Variants in OSBP2 observed in about 807,000 individuals in gnomAD.
OSBP2 encodes oxysterol-binding protein 2.
Under a neutral mutation model 96.0 loss-of-function variants are expected in OSBP2, and 66 were observed. The observed-to-expected ratio is 0.69, with a 90% CI of 0.56 to 0.84. The LOEUF (loss-of-function observed/expected upper bound fraction) is 0.84. Ranked by LOEUF, OSBP2 falls within the 40% of genes least tolerant of loss-of-function variation. OSBP2 has a pLI of 0.00. For missense variants in OSBP2, 1,038 were observed against 1,222.7 expected, an observed-to-expected ratio of 0.85 and a Z score of 2.25; for synonymous variants, 525 against 520.9, an observed-to-expected ratio of 1.01 and a Z score of -0.11.
intron 1 of OSBP2, among the ~76,000 whole-genome samples, chr22:30,707,559 A>C (rs1242315580): frequency 1.3e-5 from 2 of 151,356 alleles, no homozygotes; most frequent in Non-Finnish European, 2.9e-5. Context: ...CTAAAAATAC[A>C]CAAAAAAAAT....
chr22:30,901,625 GAGGCCA>G (rs1412619592), intron 12 of OSBP2, among the ~76,000 whole-genome samples: 1 of 151,888 alleles, frequency 6.6e-6, no homozygotes, highest in Non-Finnish European at 1.5e-5. Flanking sequence ...AGCACTTTGG[GAGGCCA>G]AGGCCGGTGG....
chr22:30,793,179 C>G (rs1332681747), intron 2 of OSBP2, among the ~76,000 whole-genome samples: 1 of 151,170 alleles, frequency 6.6e-6, no homozygotes, highest in Non-Finnish European at 1.5e-5. Flanking sequence ...CACTTGAGGT[C>G]AGGAGTTCAA....
Position 30,890,638 on chromosome 22 carries a change from A to G in OSBP2, c.1624-90A>G. On this transcript the variant is annotated intron_variant, in intron 7 of 13. Coordinates refer to ENST00000332585, the MANE Select transcript of OSBP2 (RefSeq NM_030758.4). The surrounding 1 kb of genome is among the most constrained non-coding windows in gnomAD (Gnocchi z 4.4). Reference sequence around the variant, plus strand: ...CTCACTGTGAAGGTGCTGTCTGAGCAGGGATGTCCCTGAACATCCGAGAAA... The same window carrying G: ...CTCACTGTGAAGGTGCTGTCTGAGCGGGGATGTCCCTGAACATCCGAGAAA... The G allele has an allele frequency of 7.1e-7, 1 of 1,410,846 alleles. No homozygotes were observed. Among genetic ancestry groups the G allele is most frequent in the Non-Finnish European group, 9.8e-7 (1 of 1,019,296 alleles). 87.4% of individuals were successfully genotyped at this position (1,410,846 alleles called of 1,614,324 possible). A position where few individuals can be genotyped will look rare whatever the true frequency, so the allele number is the denominator to read the frequency against.
intron 2 of OSBP2, among the ~76,000 whole-genome samples, chr22:30,852,425 G>A (rs2038994424): frequency 6.6e-6 from 1 of 151,960 alleles, no homozygotes; most frequent in Non-Finnish European, 1.5e-5. Flanking sequence ...GAATTTATTG[G>A]TGTAACTTTT....
At chr22:30,894,032 G>T in intron 12 of OSBP2, 31 bp downstream of exon 12, 1 of 1,565,830 alleles carries the variant, frequency 6.4e-7, no homozygotes, top group Non-Finnish European at 8.6e-7. Context: ...CCCCGCCACA[G>T]GCAAAGGAGA....
At chr22:30,858,437 C>T (rs888403501) in intron 2 of OSBP2, among the ~76,000 whole-genome samples, 16 of 151,794 alleles carry the variant, frequency 1.1e-4, no homozygotes, top group African/African-American at 1.5e-4. Context: ...TGAGCCACCG[C>T]GCCCGGCCTC....
At chr22:30,730,806 A>T (rs943661242) in intron 1 of OSBP2, among the ~76,000 whole-genome samples, 5,405 of 41,328 alleles carry the variant, frequency 0.13, 696 homozygotes, top group East Asian at 0.31. Flanking sequence ...ATATATATAT[A>T]TAATTTTTTT....
intron 2 of OSBP2, among the ~76,000 whole-genome samples, chr22:30,822,183 C>T (rs1017873888): frequency 6.6e-5 from 10 of 152,276 alleles, no homozygotes; most frequent in African/African-American, 2.4e-5. Flanking sequence ...TGGCCATCCC[C>T]ATTTCCCGCG....
intron 1 of OSBP2, 80 bp downstream of exon 1, chr22:30,695,633 G>T (rs925757487): frequency 2.0e-6 from 3 of 1,533,220 alleles, no homozygotes; most frequent in African/African-American, 2.7e-5. Flanking sequence ...CTCCATGGTT[G>T]GCGGACACTG....
chr22:30,761,957 A>G (rs2090208656), intron 2 of OSBP2, among the ~76,000 whole-genome samples: 2 of 152,220 alleles, frequency 1.3e-5, no homozygotes, highest in Non-Finnish European at 2.9e-5. Context: ...AAACCATACA[A>G]CTATAATACT....
chr22:30,827,903 G>T lies in OSBP2; in HGVS notation c.854-42526G>T, dbSNP rs150514802. 1.7e-3 allele frequency among the ~76,000 whole-genome samples: 253 copies of T among 152,350 alleles called. 1 individual carries two copies. Among genetic ancestry groups the T allele is most frequent in the Middle Eastern group, 6.8e-3 (2 of 294 alleles). ...TACAGATGGGGAAACTGAGGCTCAA[G>T]GAAGAGAGATGACTTTTTCAAGATC... On this transcript the variant is annotated intron_variant, in intron 2 of 13. Coordinates refer to ENST00000332585, the MANE Select transcript of OSBP2 (RefSeq NM_030758.4).
At chr22:30,865,073 G>T (rs1247948007) in intron 2 of OSBP2, among the ~76,000 whole-genome samples, 4 of 152,152 alleles carry the variant, frequency 2.6e-5, no homozygotes, top group African/African-American at 9.7e-5. Context: ...TTCCTCCAAA[G>T]ATGAGAAAAA....
intron 2 of OSBP2, among the ~76,000 whole-genome samples, chr22:30,753,703 G>A (rs976160671): frequency 2.0e-5 from 3 of 152,200 alleles, no homozygotes; most frequent in African/African-American, 7.2e-5. Flanking sequence ...TGCATGTGAT[G>A]GTTTGAACAC....
intron 2 of OSBP2, among the ~76,000 whole-genome samples, chr22:30,788,774 A>G (rs567327456): frequency 1.8e-4 from 28 of 152,190 alleles, no homozygotes; most frequent in Admixed American, 9.2e-4. Context: ...GTGCAGTGGC[A>G]CCATCTCAGC....
intron 2 of OSBP2, among the ~76,000 whole-genome samples, chr22:30,819,059 G>T (rs1031514324): frequency 6.6e-6 from 1 of 152,212 alleles, no homozygotes; most frequent in Admixed American, 6.6e-5. Context: ...CGTGGGCCAG[G>T]TGCTGTGGCT....
Position 30,706,916 on chromosome 22 carries a change from C to T in OSBP2, c.644+11363C>T, listed in dbSNP as rs184589815. Among the ~76,000 whole-genome samples, 457 of 152,292 alleles carry T rather than the reference C, an allele frequency of 3.0e-3. 1 individual carries two copies. Among genetic ancestry groups the T allele is most frequent in the African/African-American group, 0.01 (425 of 41,548 alleles). On this transcript the variant is annotated intron_variant, in intron 1 of 13. Coordinates refer to ENST00000332585, the MANE Select transcript of OSBP2 (RefSeq NM_030758.4). Reference sequence around the variant, plus strand: ...ACGATCTGGAGGAACTGTCCTTCTTCTGGATGCCTTTTTGTGTATTTCATT... The same window carrying T: ...ACGATCTGGAGGAACTGTCCTTCTTTTGGATGCCTTTTTGTGTATTTCATT...
chr22:30,874,680 A>G (rs1429038322), intron 3 of OSBP2, among the ~76,000 whole-genome samples: 8 of 152,204 alleles, frequency 5.3e-5, no homozygotes, highest in South Asian at 2.1e-4. Flanking sequence ...TGAGGGAACA[A>G]GGTGCTCAGA....
At chr22:30,701,339 C>CTTTTTTTTTTTTTT (rs1602141039) in intron 1 of OSBP2, among the ~76,000 whole-genome samples, 1 of 139,288 alleles carries the variant, frequency 7.2e-6, no homozygotes, top group Non-Finnish European at 1.6e-5. Flanking sequence ...TTTTCTTTTT[C>CTTTTTTTTTTTTTT]TTTTCTTTTT....
In OSBP2 at chr22:30,868,070, G is replaced by C. The variant is rs200546184; in HGVS notation, c.854-2359G>C. ...CCTCATGGCCCTGGGCAATTTCAAT[G>C]TACCTTTCCGTCCCCAGATCTACCT... On this transcript the variant is annotated intron_variant, in intron 2 of 13. Coordinates refer to ENST00000332585, the MANE Select transcript of OSBP2 (RefSeq NM_030758.4). Among the ~76,000 whole-genome samples the C allele has an allele frequency of 5.3e-5, 8 of 152,366 alleles. No individual in the cohort carries two copies. In the East Asian group the frequency reaches 1.5e-3, roughly 29 times the overall value.
Sources: gnomAD v4.1 joint callset for allele counts (sites outside exome capture counted in the v4.1 genomes callset) on GRCh38, gnomAD v4.1.1 for gene constraint, Gnocchi (gnomAD v3.1) non-coding constraint, MANE v1.5 for transcripts, NCBI Gene and HGNC (gene_info 2026-07-23, HGNC 2026-07-21) for gene names.